Variants in FCRL3 observed in about 807,000 individuals in gnomAD.
FCRL3 encodes the protein Fc receptor-like protein 3.
FCRL3 carries 89 observed loss-of-function variants against 75.0 expected under a neutral mutation model. That is an observed-to-expected ratio of 1.19 (90% CI 1.00 to 1.42). The LOEUF is 1.42. FCRL3 is among the 40% of genes most tolerant of loss of function. The pLI, the probability that FCRL3 is intolerant of heterozygous loss-of-function variation, is 0.00. For missense variants in FCRL3, 946 were observed against 880.0 expected, an observed-to-expected ratio of 1.07 and a Z score of -0.95; for synonymous variants, 376 against 348.5, an observed-to-expected ratio of 1.08 and a Z score of -0.88.
At chr1:157,687,441 G>T (rs1191303605) in intron 10 of FCRL3, among the ~76,000 whole-genome samples, 1 of 112,694 alleles carries the variant, frequency 8.9e-6, no homozygotes, top group African/African-American at 3.3e-5. Context: ...ATTGGTATAC[G>T]CTCACAAAAA....
chr1:157,684,475 G>T (rs1655052310), intron 10 of FCRL3, among the ~76,000 whole-genome samples: 2 of 152,118 alleles, frequency 1.3e-5, no homozygotes, highest in Non-Finnish European at 2.9e-5. Context: ...ATCCACATCA[G>T]TCAATAACCA....
At chr1:157,691,298 T>A (rs1655527476) in intron 8 of FCRL3, among the ~76,000 whole-genome samples, 1 of 152,210 alleles carries the variant, frequency 6.6e-6, no homozygotes, top group Admixed American at 6.5e-5. Context: ...ATATCGAATG[T>A]TAACTGTAAG....
Position 157,695,425 on chromosome 1 carries a change from G to A in FCRL3, c.1315C>T (p.Leu439Phe), listed in dbSNP as rs775821046. 4.3e-6 allele frequency: 7 copies of A among 1,614,232 alleles called. No homozygotes were observed. The highest frequency in any genetic ancestry group is 5.1e-6 in the Non-Finnish European group (6 of 1,180,036). ...APSGGGASFN[L>F]SLTAEHSGNY... The stretch of plus-strand genomic sequence containing the variant: ...CCAGAATGTTCTGCAGTCAGAGAGA[G>A]GTTGAAGGAGGCTCCTCCTCCAGAG... The change falls in exon 8 of 15, where the codon CTC becomes TTC. Residue 439 changes from leucine (L) to phenylalanine (F), a missense_variant. Coordinates refer to ENST00000368184, the MANE Select transcript of FCRL3 (RefSeq NM_052939.4).
intron 13 of FCRL3, chr1:157,679,204 A>G: frequency 1.7e-6 from 1 of 587,790 alleles, no homozygotes. Context: ...CCCAAATAGA[A>G]AAAGTACTGC....
Position 157,682,974 on chromosome 1 carries a change from A to G in FCRL3, c.1838+243T>C, listed in dbSNP as rs12030807. Among the ~76,000 whole-genome samples the G allele has an allele frequency of 5.0e-3, 767 of 152,348 alleles. 17 individuals carry two copies. In the East Asian group the frequency reaches 0.059, roughly 12 times the overall value. On this transcript the variant is annotated intron_variant, in intron 11 of 14. Transcript: ENST00000368184. ...AGTGGTCAAGTCTCTGCTGGAACAC[A>G]TTTAAGGAAGTAGATAAATTAACAT...
At chr1:157,697,993 G>A (rs1013743725) in intron 4 of FCRL3, 74 bp from the exon 5 acceptor site, 1 of 1,525,382 alleles carries the variant, frequency 6.6e-7, no homozygotes, top group African/African-American at 1.4e-5. Flanking sequence ...CACCCATGAG[G>A]CAAGAGCCAC....
intron 7 of FCRL3, 155 bp downstream of exon 7, chr1:157,695,885 A>ATCTC (rs150874591): frequency 1.4e-5 from 6 of 420,264 alleles, no homozygotes; most frequent in Non-Finnish European, 2.6e-5. Context: ...GCTTTTAAAT[A>ATCTC]TCTCTCTCTC....
rs2101592567 is a variant in FCRL3, at chr1:157,683,136, AT to A, written c.1838+80del. 7.4e-6 allele frequency: 11 copies of A among 1,496,010 alleles called. 1 individual carries two copies. The highest frequency in any genetic ancestry group is 2.3e-5 in the East Asian group (1 of 42,786). 92.7% of individuals were successfully genotyped at this position (1,496,010 alleles called of 1,614,324 possible). A position where few individuals can be genotyped will look rare whatever the true frequency, so the allele number is the denominator to read the frequency against. ...AAATGCTACTAGGAAATCCATTGAA[AT>A]TTAAAAAAAAACATAAACAAGTCTC... On this transcript the variant is annotated intron_variant, in intron 11 of 14. Coordinates refer to ENST00000368184, the MANE Select transcript of FCRL3 (RefSeq NM_052939.4).
intron 8 of FCRL3, among the ~76,000 whole-genome samples, chr1:157,694,112 T>C (rs1347376614): frequency 1.3e-5 from 2 of 152,186 alleles, no homozygotes; most frequent in African/African-American, 2.4e-5. Flanking sequence ...AATACAGTAG[T>C]ACATGTATAT....
Position 157,695,614 on chromosome 1 carries a change from G to A in FCRL3, c.1133-7C>T, listed in dbSNP as rs1480310541. 1 of 1,591,064 alleles carries A rather than the reference G, an allele frequency of 6.3e-7. No individual in the cohort carries two copies. Among genetic ancestry groups the A allele is most frequent in the East Asian group, 2.2e-5 (1 of 44,712 alleles). On this transcript the variant is annotated splice_region_variant and splice_polypyrimidine_tract_variant and intron_variant, in intron 7 of 14. Transcript: ENST00000368184. ...ACAGGGTGAGATACCGGAACTGAAG[G>A]AGACAAAAGGGCTGTCAGAGGATTC...
In FCRL3 at chr1:157,689,890, G is replaced by T; in HGVS notation, c.1718C>A (p.Thr573Asn). ...TGTSRNRTGL[T>N]AAGITGLVLS... The stretch of plus-strand genomic sequence containing the variant: ...CACCAGCCCCGTGATTCCCGCAGCG[G>T]TAAGGCCTGTTCTGTTCCTGGAAGT... The change falls in exon 10 of 15, where the codon ACC becomes AAC. Residue 573 changes from threonine (T) to asparagine (N), a missense_variant. By Grantham distance (65) the Thr-to-Asn change is moderately conservative. Coordinates refer to ENST00000368184, the MANE Select transcript of FCRL3 (RefSeq NM_052939.4). 4.3e-6 allele frequency: 7 copies of T among 1,614,196 alleles called. No homozygotes were observed. Among genetic ancestry groups the T allele is most frequent in the Non-Finnish European group, 5.9e-6 (7 of 1,180,034 alleles).
chr1:157,686,967 A>C (rs1200836824), intron 10 of FCRL3, among the ~76,000 whole-genome samples: 3 of 152,168 alleles, frequency 2.0e-5, no homozygotes, highest in Non-Finnish European at 2.9e-5. Context: ...GAGCTTCTGC[A>C]CGGCAAAAGA....
At chr1:157,690,592 T>C in intron 8 of FCRL3, 59 bp from the exon 9 acceptor site, 1 of 1,582,580 alleles carries the variant, frequency 6.3e-7, no homozygotes, top group South Asian at 1.2e-5. Context: ...CAAGAGAACT[T>C]AATAAAGGAA....
In FCRL3 at chr1:157,697,327, C is replaced by G; in HGVS notation, c.657G>C (p.Arg219Ser). 6.2e-7 allele frequency: 1 copy of G among 1,612,226 alleles called. No individual in the cohort carries two copies. Residue 219 changes from arginine to serine, a missense_variant, in exon 6 of 15, where the codon AGG (arginine) becomes AGC (serine). Arg to Ser is a moderately radical substitution (Grantham distance 110). Transcript: ENST00000368184. ...GGGAGAATTGCAGCTGGACATCTGG[C>G]CTCTGTGGAGAGAGCTGGGTCTCAC... is the stretch of plus-strand genomic sequence containing the variant. Reference protein sequence around the residue: ...LTCETQLSPQRPDVQLQFSLF... With the variant: ...LTCETQLSPQSPDVQLQFSLF...
At chr1:157,680,579 T>G (rs1571187855) in intron 13 of FCRL3, 123 bp downstream of exon 13, 1 of 737,964 alleles carries the variant, frequency 1.4e-6, no homozygotes, top group Non-Finnish European at 2.3e-6. Context: ...CAGCTGACAC[T>G]ATGGGAGGCA....
intron 8 of FCRL3, among the ~76,000 whole-genome samples, chr1:157,693,848 A>G (rs1463688608): frequency 3.3e-5 from 5 of 151,876 alleles, no homozygotes; most frequent in South Asian, 2.1e-4. Flanking sequence ...CTTGGGTTCA[A>G]GTGGTCCTCC....
Position 157,678,854 on chromosome 1 carries a change from T to C in FCRL3, c.2061A>G (p.Glu687=), listed in dbSNP as rs146932812. 7 of 1,613,946 alleles carry C rather than the reference T, an allele frequency of 4.3e-6. No individual in the cohort carries two copies. Among genetic ancestry groups the C allele is most frequent in the Non-Finnish European group, 5.9e-6 (7 of 1,179,954 alleles). The change falls in exon 15 of 15, where the codon GAA becomes GAG. Residue 687 remains glutamate (E), a splice_region_variant and synonymous_variant. Coordinates refer to ENST00000368184, the MANE Select transcript of FCRL3 (RefSeq NM_052939.4). ...TCAGTTCTGAATAGAGGACTGTAAGTTCCTGGTAGAAAAAAACACAAAAGG... is the reference window on the plus strand; with the variant it reads ...TCAGTTCTGAATAGAGGACTGTAAGCTCCTGGTAGAAAAAAACACAAAAGG... ...NCPMMHQEHE[E]LTVLYSELKK...
chr1:157,683,182 GA>G, intron 11 of FCRL3, 34 bp downstream of exon 11: 1 of 1,602,640 alleles, frequency 6.2e-7, no homozygotes, highest in Non-Finnish European at 8.5e-7. Context: ...AATAAATCAT[GA>G]AAATGTTGGC....
At chr1:157,693,274 CAAAAAA>C (rs375572340) in intron 8 of FCRL3, among the ~76,000 whole-genome samples, 2 of 54,798 alleles carry the variant, frequency 3.6e-5, no homozygotes, top group East Asian at 5.7e-4. Context: ...GACTCCATCT[CAAAAAA>C]AAAAAAAAAA....
Sources: allele counts gnomAD v4.1 joint callset (sites outside exome capture counted in the v4.1 genomes callset), GRCh38; gene constraint gnomAD v4.1.1; transcripts MANE v1.5; gene names NCBI Gene and HGNC (gene_info 2026-07-23, HGNC 2026-07-21).